Variants in EXOSC9 observed in about 807,000 individuals in gnomAD.
The protein encoded by EXOSC9 is exosome complex component RRP45.
A neutral mutation model predicts 56.5 loss-of-function variants in EXOSC9; 38 were observed. The observed-to-expected ratio is 0.67, with a 90% CI of 0.52 to 0.88. EXOSC9 has a LOEUF of 0.88. Among genes scored for constraint, EXOSC9 ranks in the 40% least tolerant of loss-of-function variants. The pLI is 0.00. For synonymous variants in EXOSC9, 170 were observed against 170.8 expected, an observed-to-expected ratio of 0.99 and a Z score of 0.04; for missense variants, 559 against 530.5, an observed-to-expected ratio of 1.05 and a Z score of -0.53.
intron 5 of EXOSC9, 120 bp from the exon 6 acceptor site, chr4:121,807,420 T>G (rs1311780633): frequency 5.3e-5 from 27 of 505,370 alleles, no homozygotes; most frequent in South Asian, 3.7e-4. Context: ...TTAAAAGAAG[T>G]TATTTAGGTA....
At position 121,802,897 on chromosome 4, in the gene EXOSC9, C is replaced by T; in HGVS notation, c.282-18C>T. On this transcript the variant is annotated intron_variant, in intron 3 of 11. Coordinates refer to ENST00000243498, the MANE Select transcript of EXOSC9 (RefSeq NM_005033.3). Reference sequence around the variant, plus strand: ...TTATATTTCATGACATTAGCCCATTCCTATTTTCTCCTTATAGGCAGTCAG... The same window carrying T: ...TTATATTTCATGACATTAGCCCATTTCTATTTTCTCCTTATAGGCAGTCAG... 1 of 1,611,254 alleles carries T rather than the reference C, an allele frequency of 6.2e-7. No individual in the cohort carries two copies. The highest frequency in any genetic ancestry group is 8.5e-7 in the Non-Finnish European group (1 of 1,177,558).
Position 121,804,615 on chromosome 4 carries a change from C to T in EXOSC9, c.385-7C>T. On this transcript the variant is annotated splice_region_variant and splice_polypyrimidine_tract_variant and intron_variant, in intron 4 of 11. Transcript: ENST00000243498. ...AGGATTTATTTTTATTTTAAATTCA[C>T]TATCAGGTTTGGCAAATACGTGTAG... is the stretch of plus-strand genomic sequence containing the variant. The T allele has an allele frequency of 1.4e-5, 21 of 1,536,418 alleles. No individual in the cohort carries two copies. The highest frequency in any genetic ancestry group is 1.8e-5 in the Non-Finnish European group (20 of 1,119,076).
In EXOSC9 at chr4:121,809,902, A is replaced by G; in HGVS notation, c.606-65A>G. 2.5e-6 allele frequency: 4 copies of G among 1,589,668 alleles called. No homozygotes were observed. The Admixed American group carries it at 5.0e-5, about 20-fold the overall frequency. ...TATTGATGCCATCTTTTAAAAATTCATTACCCAAGAAATGGTAAGCATTCG... is the reference window on the plus strand; with the variant it reads ...TATTGATGCCATCTTTTAAAAATTCGTTACCCAAGAAATGGTAAGCATTCG... On this transcript the variant is annotated intron_variant, in intron 6 of 11. Transcript: ENST00000243498.
chr4:121,816,601 T>C (rs1724523949), intron 11 of EXOSC9, 154 bp downstream of exon 11: 3 of 826,468 alleles, frequency 3.6e-6, no homozygotes, highest in Non-Finnish European at 5.5e-6. Context: ...TTTTTTACCT[T>C]GTGATTTATA....
chr4:121,808,683 C>CT (rs79076139), intron 6 of EXOSC9, among the ~76,000 whole-genome samples: 438 of 139,212 alleles, frequency 3.1e-3, no homozygotes, highest in African/African-American at 5.0e-3. Flanking sequence ...CTTTTCTTTT[C>CT]TTTTTTTTTT....
chr4:121,811,431 A>G (rs1238969326), intron 7 of EXOSC9, 152 bp from the exon 8 acceptor site: 2 of 454,526 alleles, frequency 4.4e-6, no homozygotes, highest in Non-Finnish European at 7.9e-6. Context: ...AACAACTTTC[A>G]CATCTTGCCT....
At chr4:121,809,173 G>C (rs1398180275) in intron 6 of EXOSC9, among the ~76,000 whole-genome samples, 1 of 151,158 alleles carries the variant, frequency 6.6e-6, no homozygotes, top group Non-Finnish European at 1.5e-5. Context: ...TTTTTGTAGA[G>C]ACAGGGTCTC....
Position 121,816,986 on chromosome 4 carries a change from T to A in EXOSC9, c.*130T>A. 1 of 908,998 alleles carries A rather than the reference T, an allele frequency of 1.1e-6. No homozygotes were observed. Among genetic ancestry groups the A allele is most frequent in the Non-Finnish European group, 1.6e-6 (1 of 637,254 alleles). The allele number at this position is 908,998 out of a possible 1,614,324, so 56.3% of individuals were successfully genotyped here. ...AGGATTTTAAAAATAGTTTTTTGTT[T>A]TTAATGTGCTTTAAAATAATAAACC... On this transcript the variant is annotated 3_prime_UTR_variant, in exon 12 of 12. Transcript: ENST00000243498.
chr4:121,802,236 T>G (rs1314334666), intron 2 of EXOSC9, among the ~76,000 whole-genome samples: 2 of 152,252 alleles, frequency 1.3e-5, no homozygotes, highest in Admixed American at 6.5e-5. Flanking sequence ...TCATTAAGTG[T>G]ACATCCTGCT....
intron 10 of EXOSC9, 152 bp from the exon 11 acceptor site, chr4:121,816,217 C>A (rs1385283034): frequency 3.2e-6 from 2 of 625,796 alleles, no homozygotes; most frequent in African/African-American, 1.9e-5. Context: ...CCTCAGCCTA[C>A]CAAAATGTGG....
At chr4:121,809,053 A>G (rs1157640620) in intron 6 of EXOSC9, among the ~76,000 whole-genome samples, 3 of 151,528 alleles carry the variant, frequency 2.0e-5, no homozygotes, top group Non-Finnish European at 4.4e-5. Context: ...CAGTGGTGTG[A>G]TCATAGCTCA....
chr4:121,815,542 G>A (rs1724464939), intron 10 of EXOSC9: 1 of 985,190 alleles, frequency 1.0e-6, no homozygotes, highest in Non-Finnish European at 1.2e-6. Flanking sequence ...ATAAGCAGGA[G>A]AAAAATGGGC....
rs1578510590 is a variant in EXOSC9, at chr4:121,816,972, AAT to A, written c.*118_*119del. The stretch of plus-strand genomic sequence containing the variant: ...TTATAAAATCTAGCAGGATTTTAAA[AAT>A]AGTTTTTTGTTTTTAATGTGCTTTA... On this transcript the variant is annotated 3_prime_UTR_variant, in exon 12 of 12. Transcript: ENST00000243498. The A allele has an allele frequency of 4.5e-6, 5 of 1,111,028 alleles. No homozygotes were observed. The highest frequency in any genetic ancestry group is 2.1e-5 in the South Asian group (1 of 47,774). 68.8% of individuals were successfully genotyped at this position (1,111,028 alleles called of 1,614,324 possible).
intron 4 of EXOSC9, among the ~76,000 whole-genome samples, chr4:121,804,176 CTTT>C (rs10707993): frequency 5.0e-5 from 6 of 121,206 alleles, no homozygotes; most frequent in Non-Finnish European, 1.6e-5. Context: ...AACTAAAAAA[CTTT>C]TTTTTTTTTT....
intron 4 of EXOSC9, 75 bp from the exon 5 acceptor site, chr4:121,804,547 A>G (rs1164146095): frequency 1.1e-6 from 1 of 925,396 alleles, no homozygotes; most frequent in Non-Finnish European, 1.6e-6. Flanking sequence ...ATTTGTACAC[A>G]ATGTTACTTT....
In EXOSC9 at chr4:121,816,459, C is replaced by T; in HGVS notation, c.1235+12C>T. 6.6e-7 allele frequency: 1 copy of T among 1,525,038 alleles called. No individual in the cohort carries two copies. 94.5% of individuals were successfully genotyped at this position (1,525,038 alleles called of 1,614,324 possible). The stretch of plus-strand genomic sequence containing the variant: ...CCAAAGAAAATAAGGTAACAAATTT[C>T]TGGTTTATTTCAAATGTATACATAT... On this transcript the variant is annotated intron_variant, in intron 11 of 11. Coordinates refer to ENST00000243498, the MANE Select transcript of EXOSC9 (RefSeq NM_005033.3).
chr4:121,809,782 T>G, intron 6 of EXOSC9, 185 bp from the exon 7 acceptor site: 1 of 609,572 alleles, frequency 1.6e-6, no homozygotes. Flanking sequence ...CCACTTAGCA[T>G]TCATTTGTGT....
chr4:121,801,354 G>A lies in EXOSC9; in HGVS notation c.-71G>A. The A allele has an allele frequency of 6.9e-7, 1 of 1,447,034 alleles. No homozygotes were observed. Among genetic ancestry groups the A allele is most frequent in the South Asian group, 1.1e-5 (1 of 87,728 alleles). The allele number at this position is 1,447,034 out of a possible 1,614,324, so 89.6% of individuals were successfully genotyped here. A position where few individuals can be genotyped will look rare whatever the true frequency, so the allele number is the denominator to read the frequency against. On this transcript the variant is annotated 5_prime_UTR_variant, in exon 1 of 12. Coordinates refer to ENST00000243498, the MANE Select transcript of EXOSC9 (RefSeq NM_005033.3). ...TTCCTGCGCCTCGGGGCGAGCAGCGGCGCGCAAGGAAAGATCGGGTTCCGT... is the reference window on the plus strand; with the variant it reads ...TTCCTGCGCCTCGGGGCGAGCAGCGACGCGCAAGGAAAGATCGGGTTCCGT...
chr4:121,801,626 A>C, intron 1 of EXOSC9, 136 bp downstream of exon 1: 1 of 886,298 alleles, frequency 1.1e-6, no homozygotes, highest in Non-Finnish European at 1.8e-6. Context: ...CTCAGGCTTT[A>C]TTTATTTTTT....
Sources: allele counts gnomAD v4.1 joint callset (sites outside exome capture counted in the v4.1 genomes callset), GRCh38; gene constraint gnomAD v4.1.1; transcripts MANE v1.5; gene names NCBI Gene and HGNC (gene_info 2026-07-23, HGNC 2026-07-21).